CDKL3: variants seen among roughly 807,000 people sequenced by gnomAD.
CDKL3 encodes the protein cyclin dependent kinase like 3, also known as cyclin-dependent kinase-like 3.
CDKL3 carries 65 observed loss-of-function variants against 69.3 expected under a neutral mutation model. That is an observed-to-expected ratio of 0.94 (90% CI 0.77 to 1.15). The LOEUF (loss-of-function observed/expected upper bound fraction) is 1.15. Ranked by LOEUF, CDKL3 falls within the 50% of genes most tolerant of loss-of-function variation. The pLI, the probability that CDKL3 is intolerant of heterozygous loss-of-function variation, is 0.00. For synonymous variants in CDKL3, 202 were observed against 221.6 expected (o/e 0.91, Z 0.79); for missense variants, 652 against 689.2 (o/e 0.95, Z 0.61).
intron 2 of CDKL3, among the ~76,000 whole-genome samples, chr5:134,362,698 G>A (rs1309209159): frequency 2.0e-5 from 3 of 152,122 alleles, no homozygotes; most frequent in Non-Finnish European, 4.4e-5. Flanking sequence ...GGAGGCTGAG[G>A]TGGGCAGATC....
intron 4 of CDKL3, among the ~76,000 whole-genome samples, chr5:134,335,487 T>C (rs1338499841): frequency 6.6e-6 from 1 of 152,192 alleles, no homozygotes; most frequent in African/African-American, 2.4e-5. Context: ...TGTTTAGTGC[T>C]TCCTTCAGGA....
chr5:134,288,887 A>C (rs1764994503), intron 8 of CDKL3, among the ~76,000 whole-genome samples: 1 of 152,182 alleles, frequency 6.6e-6, no homozygotes, highest in African/African-American at 2.4e-5. Flanking sequence ...ATCTGATACT[A>C]ATCTGGACTC....
downstream of CDKL3, among the ~76,000 whole-genome samples, chr5:134,293,921 A>C (rs1441332902): frequency 3.3e-5 from 5 of 152,276 alleles, no homozygotes; most frequent in Non-Finnish European, 5.9e-5. Flanking sequence ...CAGCTTGGAC[A>C]ACAAAGCAAG....
chr5:134,302,533 TGA>T, intron 12 of CDKL3, 55 bp downstream of exon 12: 1 of 857,610 alleles, frequency 1.2e-6, no homozygotes. Context: ...ATTTATACAC[TGA>T]GTCAAGTCCT....
chr5:134,326,362 C>T (rs1007206689), intron 4 of CDKL3, among the ~76,000 whole-genome samples: 1 of 152,066 alleles, frequency 6.6e-6, no homozygotes. Context: ...CGAGCAAGTC[C>T]TAGTTAGCTA....
intron 3 of CDKL3, among the ~76,000 whole-genome samples, chr5:134,355,297 G>T (rs886892115): frequency 6.7e-6 from 1 of 148,818 alleles, no homozygotes; most frequent in African/African-American, 2.5e-5. Context: ...ACAGTCAGTT[G>T]TAAGAGAAAC....
chr5:134,295,381 C>A (rs141503373), downstream of CDKL3, among the ~76,000 whole-genome samples: 461 of 152,174 alleles, frequency 3.0e-3, 3 homozygotes, highest in Admixed American at 9.3e-3. Context: ...CATCAAAATT[C>A]CAGTAGGCAT....
upstream of CDKL3, chr5:134,371,534 G>A: frequency 2.5e-6 from 4 of 1,584,662 alleles, no homozygotes; most frequent in Non-Finnish European, 2.6e-6. Context: ...GCCGCGCCGG[G>A]GGGTGGGGGG....
chr5:134,371,613 G>A (rs754554572), upstream of CDKL3: 48 of 1,613,068 alleles, frequency 3.0e-5, no homozygotes, highest in South Asian at 8.8e-5. Flanking sequence ...CCCCGGCCCG[G>A]AGGAGGCTCA....
At chr5:134,357,558 G>C (rs1353546802) in intron 3 of CDKL3, among the ~76,000 whole-genome samples, 1 of 152,142 alleles carries the variant, frequency 6.6e-6, no homozygotes. Flanking sequence ...CTTGAACCCA[G>C]AAGGCGGAAG....
intron 3 of CDKL3, among the ~76,000 whole-genome samples, chr5:134,353,926 G>C (rs190004030): frequency 1.3e-5 from 2 of 152,162 alleles, no homozygotes; most frequent in Non-Finnish European, 2.9e-5. Context: ...CCCTGAAATG[G>C]CTTATAAGGC....
chr5:134,325,036 G>A (rs764753834), intron 4 of CDKL3, among the ~76,000 whole-genome samples: 3 of 152,120 alleles, frequency 2.0e-5, no homozygotes, highest in East Asian at 3.9e-4. Context: ...AAAGTGGCAG[G>A]GCTTGGTGGC....
intron 8 of CDKL3, among the ~76,000 whole-genome samples, chr5:134,287,303 C>G (rs1477760024): frequency 6.6e-6 from 1 of 152,152 alleles, no homozygotes; most frequent in Non-Finnish European, 1.5e-5. Flanking sequence ...CTGGTGAAAA[C>G]AGAACCCTGA....
chr5:134,327,556 G>T (rs1481806956), intron 4 of CDKL3, among the ~76,000 whole-genome samples: 1 of 152,182 alleles, frequency 6.6e-6, no homozygotes, highest in East Asian at 1.9e-4. Flanking sequence ...AGAATGTGGT[G>T]AAAGACAACT....
At chr5:134,287,603 C>T (rs1037565361) in intron 8 of CDKL3, among the ~76,000 whole-genome samples, 1 of 152,208 alleles carries the variant, frequency 6.6e-6, no homozygotes, top group African/African-American at 2.4e-5. Flanking sequence ...CCTGCCACTG[C>T]CATTGCCATA....
Position 134,288,141 on chromosome 5 carries a change from G to A in CDKL3, c.*678-1582C>T, listed in dbSNP as rs1319744694. On this transcript the variant is annotated intron_variant and NMD_transcript_variant, in intron 8 of 8. Coordinates refer to the CDKL3 transcript ENST00000519312. ...ACTCCTGACCTCAGGTGATCTGCCC[G>A]CCTTGGCCTCCCAAAGTGCTGGGAT... Among the ~76,000 whole-genome samples, 8 of 151,786 alleles carry A rather than the reference G, an allele frequency of 5.3e-5. No homozygotes were observed. In the East Asian group the frequency reaches 9.6e-4, roughly 18 times the overall value.
intron 4 of CDKL3, among the ~76,000 whole-genome samples, chr5:134,323,013 C>A (rs1431141839): frequency 1.3e-5 from 2 of 151,566 alleles, no homozygotes; most frequent in African/African-American, 4.8e-5. Flanking sequence ...GTAGGTCTAT[C>A]TATATGTGCT....
In CDKL3 at chr5:134,304,443, G is replaced by A. The variant is rs781217031; in HGVS notation, c.1583C>T (p.Pro528Leu). Reference sequence around the variant, plus strand: ...TGTATCTTTTGACTGTATTGTGACAGGCAATTCTGGAAAATGGAATTCTTT... The same window carrying A: ...TGTATCTTTTGACTGTATTGTGACAAGCAATTCTGGAAAATGGAATTCTTT... ...DRKEFHFPEL[P>L]VTIQSKDTKG... Residue 528 changes from proline (P) to leucine (L), a missense_variant, in exon 11 of 13, where the codon CCT becomes CTT. Coordinates refer to ENST00000265334, the MANE Select transcript of CDKL3 (RefSeq NM_001113575.2). 6.2e-7 allele frequency: 1 copy of A among 1,612,736 alleles called. No individual in the cohort carries two copies. The highest frequency in any genetic ancestry group is 8.5e-7 in the Non-Finnish European group (1 of 1,179,418).
chr5:134,330,332 G>A (rs761138295), intron 4 of CDKL3, among the ~76,000 whole-genome samples: 2 of 152,118 alleles, frequency 1.3e-5, no homozygotes, highest in Non-Finnish European at 2.9e-5. Flanking sequence ...AATTGCCCTC[G>A]TTTGATGAGA....
Sources: allele counts gnomAD v4.1 joint callset (sites outside exome capture counted in the v4.1 genomes callset), GRCh38; gene constraint gnomAD v4.1.1; transcripts MANE v1.5; gene names NCBI Gene and HGNC (gene_info 2026-07-23, HGNC 2026-07-21).